Variants in ZBED4 observed in about 807,000 individuals in gnomAD.
The protein encoded by ZBED4 is zinc finger BED domain-containing protein 4.
A neutral mutation model predicts 15.5 loss-of-function variants in ZBED4; 4 were observed. The observed-to-expected ratio is 0.26, with a 90% CI of 0.13 to 0.59. ZBED4 has a LOEUF of 0.59. Ranked by LOEUF, ZBED4 falls within the 20% of genes least tolerant of loss-of-function variation. The pLI is 0.90. For missense variants in ZBED4, 1,323 were observed against 1,461.8 expected, an observed-to-expected ratio of 0.91 and a Z score of 1.55; for synonymous variants, 692 against 608.5, an observed-to-expected ratio of 1.14 and a Z score of -2.02.
chr22:49,871,793 C>T (rs915521789), intron 1 of ZBED4, among the ~76,000 whole-genome samples: 3 of 148,714 alleles, frequency 2.0e-5, no homozygotes, highest in African/African-American at 4.9e-5. Flanking sequence ...CTTACTCTGT[C>T]GCCCAGGGTG....
At chr22:49,879,221 T>C (rs2060394841) in intron 1 of ZBED4, among the ~76,000 whole-genome samples, 3 of 147,484 alleles carry the variant, frequency 2.0e-5, no homozygotes, top group Non-Finnish European at 3.0e-5. Context: ...GCCTCCCGGG[T>C]TCAAGCGATT....
chr22:49,853,188 CA>C (rs2060258679), upstream of ZBED4: 3 of 152,438 alleles, frequency 2.0e-5, no homozygotes, highest in South Asian at 6.2e-4. Flanking sequence ...TAAAAGTGCA[CA>C]TTTCCTTCAG....
intron 1 of ZBED4, among the ~76,000 whole-genome samples, chr22:49,854,613 C>T (rs1360357011): frequency 6.6e-6 from 1 of 152,200 alleles, no homozygotes; most frequent in African/African-American, 2.4e-5. Flanking sequence ...AGCTCGCAGT[C>T]AGTTTTGTTT....
At position 49,885,523 on chromosome 22, in the gene ZBED4, C is replaced by G. The variant is rs746830307; in HGVS notation, c.1861C>G (p.Arg621Gly). 2 of 1,608,792 alleles carry G rather than the reference C, an allele frequency of 1.2e-6. No homozygotes were observed. The highest frequency in any genetic ancestry group is 1.7e-5 in the Admixed American group (1 of 59,906). The change falls in exon 2 of 2, where the codon CGG becomes GGG. Residue 621 changes from arginine (R) to glycine (G), a missense_variant. By Grantham distance (125) the Arg-to-Gly change is moderately radical (BLOSUM62 -2). Transcript: ENST00000216268. ...VLKTEVSETA[R>G]PSSPDTRVPR... ...GAAAACTGAGGTCTCGGAGACGGCTCGGCCCTCCTCTCCGGACACCCGGGT... is the reference window on the plus strand; with the variant it reads ...GAAAACTGAGGTCTCGGAGACGGCTGGGCCCTCCTCTCCGGACACCCGGGT...
chr22:49,887,186 GACGGC>G lies in ZBED4; in HGVS notation c.*11_*15del. 6.3e-7 allele frequency: 1 copy of G among 1,598,384 alleles called. No homozygotes were observed. Among genetic ancestry groups the G allele is most frequent in the South Asian group, 1.1e-5 (1 of 88,768 alleles). ...ATATACTTTCAGTATTGAAACTCAC[GACGGC>G]ACCACTAGGCCAGAGGCGTGGCTGC... On this transcript the variant is annotated 3_prime_UTR_variant, in exon 2 of 2. Transcript: ENST00000216268.
At position 49,883,759 on chromosome 22, in the gene ZBED4, C is replaced by T. The variant is rs146502157; in HGVS notation, c.97C>T (p.Pro33Ser). 3.1e-6 allele frequency: 5 copies of T among 1,612,814 alleles called. No individual in the cohort carries two copies. Among genetic ancestry groups the T allele is most frequent in the Non-Finnish European group, 4.2e-6 (5 of 1,179,160 alleles). The change falls in exon 2 of 2, where the codon CCT becomes TCT. Residue 33 changes from proline (P) to serine (S), a missense_variant. Physicochemically the swap from Pro to Ser is moderately conservative, Grantham distance 74 (BLOSUM62 -1). Around this residue, in one of 6 missense-constraint regions of ZBED4, gnomAD observed 380 missense variants for 413.7 expected, o/e 0.92. Transcript: ENST00000216268. Reference protein sequence around the residue: ...KIEEEDDDGIPPDSLERMDFK... With the variant: ...KIEEEDDDGISPDSLERMDFK... ...AGAAGAGGAAGATGATGATGGAATT[C>T]CTCCTGATAGTTTGGAAAGAATGGA...
intron 1 of ZBED4, among the ~76,000 whole-genome samples, chr22:49,870,394 G>A (rs5769762): frequency 0.64 from 97,864 of 152,136 alleles, 35,674 homozygotes; most frequent in East Asian, 0.85. Flanking sequence ...TCTTTGAGAA[G>A]ACTCCACACT....
chr22:49,856,241 T>C (rs1029865629), intron 1 of ZBED4, among the ~76,000 whole-genome samples: 11 of 152,224 alleles, frequency 7.2e-5, no homozygotes, highest in African/African-American at 2.4e-4. Context: ...ACAGAGGTGC[T>C]TGCCTCTCTG....
intron 1 of ZBED4, among the ~76,000 whole-genome samples, chr22:49,876,880 C>T (rs574003135): frequency 1.3e-5 from 2 of 152,320 alleles, no homozygotes; most frequent in African/African-American, 4.8e-5. Flanking sequence ...GAAGACACAG[C>T]GTTCCCACAC....
chr22:49,883,215 G>T, intron 1 of ZBED4, 119 bp from the exon 2 acceptor site: 1 of 152,906 alleles, frequency 6.5e-6, no homozygotes, highest in Non-Finnish European at 1.5e-5. Context: ...CAAGTTTTTC[G>T]ATTCCAGTTT....
At position 49,886,437 on chromosome 22, in the gene ZBED4, C is replaced by A; in HGVS notation, c.2775C>A (p.Asp925Glu). The A allele has an allele frequency of 6.3e-7, 1 of 1,583,396 alleles. No homozygotes were observed. Among genetic ancestry groups the A allele is most frequent in the Non-Finnish European group, 8.6e-7 (1 of 1,161,202 alleles). The change falls in exon 2 of 2, where the codon GAC becomes GAA. Residue 925 changes from aspartate (D) to glutamate (E), a missense_variant. By Grantham distance (45) the Asp-to-Glu change is conservative (BLOSUM62 2). Transcript: ENST00000216268. The surrounding 1 kb of genome is among the most constrained non-coding windows in gnomAD (Gnocchi z 7.7). ...ECNFRELISC[D>E]QWEVMQSVCR... is the part of the protein sequence containing the mutation. ...ACTTCCGAGAGCTGATCAGCTGCGA[C>A]CAGTGGGAGGTCATGCAGTCCGTGT...
intron 1 of ZBED4, among the ~76,000 whole-genome samples, chr22:49,854,519 A>G (rs2060266643): frequency 6.6e-6 from 1 of 152,222 alleles, no homozygotes. Flanking sequence ...GACCGTTCAC[A>G]TTTAATGAAT....
intron 1 of ZBED4, among the ~76,000 whole-genome samples, chr22:49,860,196 G>A (rs2060290825): frequency 6.6e-6 from 1 of 152,280 alleles, no homozygotes; most frequent in Non-Finnish European, 1.5e-5. Context: ...CTACTCAGGA[G>A]GCTGAGGTGG....
At chr22:49,859,447 C>T (rs771324008) in intron 1 of ZBED4, among the ~76,000 whole-genome samples, 7 of 152,084 alleles carry the variant, frequency 4.6e-5, no homozygotes, top group Admixed American at 1.3e-4. Context: ...GTGTCCTTTT[C>T]ACTCCATACG....
intron 1 of ZBED4, among the ~76,000 whole-genome samples, chr22:49,875,179 T>C (rs2060369696): frequency 6.6e-6 from 1 of 152,104 alleles, no homozygotes; most frequent in African/African-American, 2.4e-5. Context: ...GCTGCTGATA[T>C]AAAGAATTGG....
At chr22:49,860,846 T>G (rs1447891489) in intron 1 of ZBED4, among the ~76,000 whole-genome samples, 2 of 151,800 alleles carry the variant, frequency 1.3e-5, no homozygotes, top group Non-Finnish European at 2.9e-5. Context: ...TGGCTCGATC[T>G]TGGCTCACTG....
At chr22:49,881,290 G>A (rs186301730) in intron 1 of ZBED4, among the ~76,000 whole-genome samples, 26 of 152,372 alleles carry the variant, frequency 1.7e-4, no homozygotes, top group African/African-American at 5.5e-4. Context: ...CGGAGGTTGC[G>A]GTGAACTGAG....
rs144439900 is a variant in ZBED4, at chr22:49,884,723, C to T, written c.1061C>T (p.Thr354Ile). ...ACGGGCATCCCGCCACTGTACTCCA[C>T]CCCTCCCACTCTGCTGCCTTCCTTG... The part of the protein sequence containing the change: ...GGTGIPPLYS[T>I]PPTLLPSLLP... The change falls in exon 2 of 2, where the codon ACC (threonine) becomes ATC (isoleucine). Residue 354 changes from threonine (T) to isoleucine (I), a missense_variant. This residue lies in a region of ZBED4 where 429 missense variants were observed against 397.9 expected (regional missense o/e 1.08). Transcript: ENST00000216268. 7.5e-6 allele frequency: 12 copies of T among 1,595,150 alleles called. No homozygotes were observed. The highest frequency in any genetic ancestry group is 1.0e-5 in the Non-Finnish European group (12 of 1,169,246).
chr22:49,887,339 C>T lies in ZBED4; in HGVS notation c.*161C>T, dbSNP rs2060445857. On this transcript the variant is annotated 3_prime_UTR_variant, in exon 2 of 2. Transcript: ENST00000216268. ...CACAGTGTCTCCACGTGCCTTACCC[C>T]TTCTCCTTCAGGCCAAGTTTCGCGG... is the stretch of plus-strand genomic sequence containing the variant. 3.0e-6 allele frequency: 2 copies of T among 671,600 alleles called. No homozygotes were observed. Among genetic ancestry groups the T allele is most frequent in the Admixed American group, 3.2e-5 (1 of 30,828 alleles). The allele number at this position is 671,600 out of a possible 1,614,324, so 41.6% of individuals were successfully genotyped here.
Sources: allele counts gnomAD v4.1 joint callset (sites outside exome capture counted in the v4.1 genomes callset), GRCh38; gene constraint gnomAD v4.1.1; regional missense constraint gnomAD v4.1.1; non-coding constraint Gnocchi (gnomAD v3.1); transcripts MANE v1.5; gene names NCBI Gene and HGNC (gene_info 2026-07-23, HGNC 2026-07-21).